The following ARMC8 variants were observed in gnomAD, a reference collection of about 807,000 sequenced individuals.
The protein encoded by ARMC8 is armadillo repeat containing 8, also known as armadillo repeat-containing protein 8.
In ARMC8, 20 loss-of-function variants were observed where a neutral mutation model predicts 99.3. That is an observed-to-expected ratio of 0.20 (90% CI 0.14 to 0.29). ARMC8 has a LOEUF of 0.29. ARMC8 is among the 10% of genes least tolerant of loss of function. The probability of loss-of-function intolerance (pLI) is 1.00; values close to 1 mark genes in which losing one functional copy is unlikely to be tolerated. For missense variants in ARMC8, 569 were observed against 809.5 expected, an observed-to-expected ratio of 0.70 and a Z score of 3.60; for synonymous variants, 263 against 278.3, an observed-to-expected ratio of 0.95 and a Z score of 0.55.
intron 1 of ARMC8, among the ~76,000 whole-genome samples, chr3:138,208,380 T>A (rs1183764518): frequency 6.6e-6 from 1 of 152,146 alleles, no homozygotes; most frequent in Non-Finnish European, 1.5e-5. Context: ...GCAGGAGAAT[T>A]GCTTGAACCC....
At chr3:138,275,030 G>C (rs1160158337) in intron 18 of ARMC8, among the ~76,000 whole-genome samples, 1 of 152,146 alleles carries the variant, frequency 6.6e-6, no homozygotes, top group Non-Finnish European at 1.5e-5. Flanking sequence ...AGTTTCAGGA[G>C]GGCAAGTTAA....
chr3:138,187,489 T>G lies in ARMC8; in HGVS notation c.-66T>G. On this transcript the variant is annotated 5_prime_UTR_variant, in exon 1 of 22. Coordinates refer to ENST00000469044, the MANE Select transcript of ARMC8 (RefSeq NM_001363941.2). ...GGGAGCGGTGCCTAGCGTTGGCCAA[T>G]AGTTGGCTGTCGAAAGTGCCGGCCC... is the stretch of plus-strand genomic sequence containing the variant. 6.6e-7 allele frequency: 1 copy of G among 1,505,626 alleles called. No homozygotes were observed. Among genetic ancestry groups the G allele is most frequent in the South Asian group, 1.2e-5 (1 of 83,406 alleles). 93.3% of individuals were successfully genotyped at this position (1,505,626 alleles called of 1,614,324 possible).
Position 138,285,569 on chromosome 3 carries a change from A to G in ARMC8, c.1821+1043A>G, listed in dbSNP as rs1171551294. ...GTTTCACCCTTCAAATCTCAGCTGA[A>G]CTTATACTTTCTTACTGGACTCTTG... On this transcript the variant is annotated intron_variant, in intron 19 of 21. Transcript: ENST00000469044. 2.0e-5 allele frequency among the ~76,000 whole-genome samples: 3 copies of G among 152,200 alleles called. No homozygotes were observed. The East Asian group carries it at 5.8e-4, about 29-fold the overall frequency.
chr3:138,187,337 T>C lies in ARMC8; in HGVS notation c.-218T>C. The C allele has an allele frequency of 1.9e-6, 1 of 525,500 alleles. No homozygotes were observed. The allele number at this position is 525,500 out of a possible 1,614,324, so 32.6% of individuals were successfully genotyped here. A position where few individuals can be genotyped will look rare whatever the true frequency, so the allele number is the denominator to read the frequency against. On this transcript the variant is annotated 5_prime_UTR_variant, in exon 1 of 22. Transcript: ENST00000469044. ...TAACCCAGGCTCAGAGTAGCTGCTG[T>C]TTCTGAGAGAACGATTCGTAGGACA... is the stretch of plus-strand genomic sequence containing the variant.
At chr3:138,262,555 G>A (rs2047850387) in intron 12 of ARMC8, 1 of 1,611,780 alleles carries the variant, frequency 6.2e-7, no homozygotes, top group African/African-American at 1.3e-5. Context: ...CTAGGTCAGT[G>A]ATCTTCAACC....
chr3:138,205,055 CTTTTCTTTTTTTTTTTT>C (rs2044284570), intron 1 of ARMC8, among the ~76,000 whole-genome samples: 1 of 113,680 alleles, frequency 8.8e-6, no homozygotes, highest in African/African-American at 3.5e-5. Flanking sequence ...CTTTTCTTTT[CTTTTCTTTTTTTTTTTT>C]TTTTTTTTTT....
chr3:138,289,203 C>T (rs370227442), intron 20 of ARMC8, 83 bp downstream of exon 20: 3 of 1,077,570 alleles, frequency 2.8e-6, no homozygotes, highest in Non-Finnish European at 4.2e-6. Flanking sequence ...CCCCTGAGAT[C>T]CTGGGCAGAG....
chr3:138,224,625 C>T (rs1247298177), intron 5 of ARMC8, among the ~76,000 whole-genome samples: 1 of 152,160 alleles, frequency 6.6e-6, no homozygotes, highest in African/African-American at 2.4e-5. Flanking sequence ...GTGGCACATA[C>T]CTGCAACACC....
At chr3:138,205,536 C>G (rs1218197884) in intron 1 of ARMC8, among the ~76,000 whole-genome samples, 1 of 152,152 alleles carries the variant, frequency 6.6e-6, no homozygotes, top group Non-Finnish European at 1.5e-5. Context: ...AATAGCATTA[C>G]CGGTGATGGA....
At chr3:138,291,500 T>C (rs1030957018) in intron 21 of ARMC8, among the ~76,000 whole-genome samples, 4 of 152,220 alleles carry the variant, frequency 2.6e-5, no homozygotes, top group African/African-American at 9.6e-5. Context: ...GCACTGGAGA[T>C]ATAATGGTGA....
At chr3:138,264,305 C>G in intron 14 of ARMC8, 93 bp downstream of exon 14, 3 of 923,084 alleles carry the variant, frequency 3.2e-6, no homozygotes, top group Middle Eastern at 2.4e-4. Context: ...AGGAGTATGT[C>G]TGATTTTTGT....
At chr3:138,258,638 T>A (rs1184406608) in intron 12 of ARMC8, among the ~76,000 whole-genome samples, 1 of 152,222 alleles carries the variant, frequency 6.6e-6, no homozygotes, top group East Asian at 1.9e-4. Context: ...GGGGCTCAGA[T>A]CCTGTTCTAA....
At position 138,237,383 on chromosome 3, in the gene ARMC8, T is replaced by C. The variant is rs1469431628; in HGVS notation, c.684T>C (p.Asn228=). Reference sequence around the variant, plus strand: ...CCCAGGTATCGATGACCCTGGTAAATGGTAGGCTGGAGCTTTCAGTGGCAC... The same window carrying C: ...CCCAGGTATCGATGACCCTGGTAAACGGTAGGCTGGAGCTTTCAGTGGCAC... ...ENPQVSMTLV[N]VLVDGELLPQ... is the part of the protein sequence containing the mutation. Residue 228 remains asparagine, a splice_region_variant and synonymous_variant, in exon 8 of 22, where the codon AAT becomes AAC. Transcript: ENST00000469044. 1.9e-6 allele frequency: 3 copies of C among 1,613,508 alleles called. No homozygotes were observed. Among genetic ancestry groups the C allele is most frequent in the African/African-American group, 2.7e-5 (2 of 75,010 alleles).
At chr3:138,275,366 G>C (rs1237257566) in intron 18 of ARMC8, among the ~76,000 whole-genome samples, 1 of 152,076 alleles carries the variant, frequency 6.6e-6, no homozygotes, top group Non-Finnish European at 1.5e-5. Flanking sequence ...GACCATCCTG[G>C]CTAACACGGT....
At chr3:138,246,887 A>G in intron 12 of ARMC8, 1 of 897,570 alleles carries the variant, frequency 1.1e-6, no homozygotes. Context: ...ATTATTAATT[A>G]TAGTTTTTTG....
At chr3:138,207,767 A>T (rs1421479063) in intron 1 of ARMC8, among the ~76,000 whole-genome samples, 1 of 152,196 alleles carries the variant, frequency 6.6e-6, no homozygotes, top group African/African-American at 2.4e-5. Flanking sequence ...AAATGGGTAA[A>T]GATCATGAGA....
At chr3:138,271,507 T>G (rs1295530607) in intron 16 of ARMC8, among the ~76,000 whole-genome samples, 1 of 152,230 alleles carries the variant, frequency 6.6e-6, no homozygotes, top group East Asian at 1.9e-4. Flanking sequence ...CATGCACAAC[T>G]TTAATGTTGG....
chr3:138,293,040 C>T (rs1373335125), intron 21 of ARMC8, among the ~76,000 whole-genome samples: 1 of 152,196 alleles, frequency 6.6e-6, no homozygotes, highest in African/African-American at 2.4e-5. Context: ...TCCACCCTCC[C>T]CTCCAGGCTT....
At chr3:138,219,477 A>G (rs1292516036) in intron 2 of ARMC8, among the ~76,000 whole-genome samples, 1 of 152,158 alleles carries the variant, frequency 6.6e-6, no homozygotes, top group Non-Finnish European at 1.5e-5. Context: ...TAGTCAGGGG[A>G]AAGTATGAGG....
Sources: allele counts gnomAD v4.1 joint callset (sites outside exome capture counted in the v4.1 genomes callset), GRCh38; gene constraint gnomAD v4.1.1; transcripts MANE v1.5; gene names NCBI Gene and HGNC (gene_info 2026-07-23, HGNC 2026-07-21).